Variants in KCNIP4 observed in about 807,000 individuals in gnomAD.
KCNIP4 encodes Kv channel-interacting protein 4.
KCNIP4 carries 12 observed loss-of-function variants against 34.0 expected under a neutral mutation model. The observed-to-expected ratio is 0.35, with a 90% confidence interval of 0.23 to 0.57. The LOEUF (loss-of-function observed/expected upper bound fraction) is 0.57, where lower values mean the gene tolerates loss of function less well. KCNIP4 is among the 20% of genes least tolerant of loss of function. The probability of loss-of-function intolerance (pLI) is 0.83; values close to 1 mark genes in which losing one functional copy is unlikely to be tolerated. For missense variants in KCNIP4, 238 were observed against 311.7 expected, an observed-to-expected ratio of 0.76 and a Z score of 1.78; for synonymous variants, 124 against 102.2, an observed-to-expected ratio of 1.21 and a Z score of -1.29.
intron 1 of KCNIP4, among the ~76,000 whole-genome samples, chr4:21,922,340 T>G (rs1184481955): frequency 2.6e-5 from 4 of 152,144 alleles, no homozygotes; most frequent in Admixed American, 6.5e-5. Flanking sequence ...TTTGCCTGAC[T>G]TTGTCATTGC....
chr4:20,960,298 A>T (rs1305089180), intron 1 of KCNIP4, among the ~76,000 whole-genome samples: 1 of 152,170 alleles, frequency 6.6e-6, no homozygotes, highest in Non-Finnish European at 1.5e-5. Flanking sequence ...CAGAGTTTTT[A>T]AAAAAGAATT....
At chr4:21,043,276 T>C (rs1742116668) in intron 1 of KCNIP4, among the ~76,000 whole-genome samples, 1 of 152,192 alleles carries the variant, frequency 6.6e-6, no homozygotes, top group South Asian at 2.1e-4. Context: ...TACAAATGGA[T>C]CATGACACTG....
intron 1 of KCNIP4, among the ~76,000 whole-genome samples, chr4:21,534,959 G>C (rs923442832): frequency 1.3e-5 from 2 of 151,998 alleles, no homozygotes; most frequent in African/African-American, 4.8e-5. Context: ...ATTCAATGCT[G>C]TATCGTTCCT....
At chr4:21,571,871 G>A (rs1056129042) in intron 1 of KCNIP4, among the ~76,000 whole-genome samples, 1 of 152,102 alleles carries the variant, frequency 6.6e-6, no homozygotes, top group East Asian at 1.9e-4. Flanking sequence ...CAAGCACTTT[G>A]CTGAGTATTT....
chr4:21,513,698 A>C (rs1403785232), intron 1 of KCNIP4, among the ~76,000 whole-genome samples: 1 of 152,152 alleles, frequency 6.6e-6, no homozygotes, highest in Non-Finnish European at 1.5e-5. Flanking sequence ...TGCTCAATAC[A>C]TTTTTTCTCA....
At chr4:21,552,960 C>T (rs1738698023) in intron 1 of KCNIP4, among the ~76,000 whole-genome samples, 1 of 152,036 alleles carries the variant, frequency 6.6e-6, no homozygotes, top group African/African-American at 2.4e-5. Context: ...ACATCCTACT[C>T]AGCTGTCCAG....
intron 1 of KCNIP4, among the ~76,000 whole-genome samples, chr4:20,989,695 A>C (rs545748867): frequency 4.9e-4 from 75 of 152,294 alleles, no homozygotes; most frequent in African/African-American, 1.8e-3. Flanking sequence ...TTGGCCAGGC[A>C]CTGTGACTCA....
At chr4:21,615,024 T>C (rs1300895437) in intron 1 of KCNIP4, among the ~76,000 whole-genome samples, 1 of 152,082 alleles carries the variant, frequency 6.6e-6, no homozygotes, top group East Asian at 1.9e-4. Flanking sequence ...CTGAGTGTGG[T>C]TGGCATCTAT....
chr4:21,079,637 T>C (rs1429764860), intron 1 of KCNIP4, among the ~76,000 whole-genome samples: 3 of 151,574 alleles, frequency 2.0e-5, no homozygotes, highest in Non-Finnish European at 4.4e-5. Context: ...CCTGTGAATA[T>C]GTTATGTTAC....
chr4:21,538,789 T>C (rs1231433770), intron 1 of KCNIP4, among the ~76,000 whole-genome samples: 2 of 152,214 alleles, frequency 1.3e-5, no homozygotes, highest in African/African-American at 2.4e-5. Context: ...ATGTTCTCTA[T>C]ATGAATGTGG....
rs77930502 is a variant in KCNIP4, at chr4:21,258,565, G to T, written c.62-375856C>A. Among the ~76,000 whole-genome samples, 947 of 152,164 alleles carry T rather than the reference G, an allele frequency of 6.2e-3. 5 individuals carry two copies. The highest frequency in any genetic ancestry group is 0.011 in the Non-Finnish European group (768 of 68,006). On this transcript the variant is annotated intron_variant, in intron 1 of 8. Transcript: ENST00000382152. ...TTCTTATATCTTTAAGACAATAATT[G>T]ATATAGTGTGCTCTAATTCTTAATG...
chr4:21,002,975 A>G (rs931685482), intron 1 of KCNIP4, among the ~76,000 whole-genome samples: 8 of 152,172 alleles, frequency 5.3e-5, no homozygotes, highest in Admixed American at 4.6e-4. Context: ...CCCTCACATA[A>G]TGAAAGATTT....
intron 3 of KCNIP4, among the ~76,000 whole-genome samples, chr4:20,772,000 G>A (rs1755932010): frequency 6.6e-6 from 1 of 152,106 alleles, no homozygotes; most frequent in South Asian, 2.1e-4. Context: ...ATCATTCGTG[G>A]TCTGCTGGGC....
chr4:21,625,498 G>T (rs573406184), intron 1 of KCNIP4, among the ~76,000 whole-genome samples: 21 of 152,120 alleles, frequency 1.4e-4, no homozygotes, highest in African/African-American at 5.1e-4. Flanking sequence ...AGTGGAAGTC[G>T]AATTTAAATC....
chr4:21,072,905 C>A (rs935290960), intron 1 of KCNIP4, among the ~76,000 whole-genome samples: 1 of 152,154 alleles, frequency 6.6e-6, no homozygotes, highest in Non-Finnish European at 1.5e-5. Flanking sequence ...AATAGGGAAT[C>A]CTTTCCCCAT....
intron 1 of KCNIP4, among the ~76,000 whole-genome samples, chr4:21,055,632 C>T (rs560050741): frequency 7.8e-4 from 118 of 152,248 alleles, no homozygotes; most frequent in Non-Finnish European, 1.4e-3. Context: ...ATGGAGGAAA[C>T]TTGAGTTCCT....
chr4:20,761,008 C>T (rs1447577491), intron 3 of KCNIP4, among the ~76,000 whole-genome samples: 3 of 152,144 alleles, frequency 2.0e-5, no homozygotes, highest in Non-Finnish European at 4.4e-5. Context: ...CTATTACTTT[C>T]AATACATTTA....
chr4:21,920,334 T>C (rs556105906), intron 1 of KCNIP4, among the ~76,000 whole-genome samples: 1 of 152,322 alleles, frequency 6.6e-6, no homozygotes. Context: ...CAGACTTTTA[T>C]GTGTCATCAT....
chr4:21,225,666 T>C (rs1310903528), intron 1 of KCNIP4, among the ~76,000 whole-genome samples: 1 of 152,168 alleles, frequency 6.6e-6, no homozygotes, highest in Admixed American at 6.5e-5. Flanking sequence ...ACATGAGCAA[T>C]AATCATGGTG....
Sources: gnomAD v4.1 joint callset for allele counts (sites outside exome capture counted in the v4.1 genomes callset) on GRCh38, gnomAD v4.1.1 for gene constraint, MANE v1.5 for transcripts, NCBI Gene and HGNC (gene_info 2026-07-23, HGNC 2026-07-21) for gene names.